Variants in WDR1 observed in about 807,000 individuals in gnomAD.
The protein encoded by WDR1 is WD repeat-containing protein 1.
Under a neutral mutation model 71.9 loss-of-function variants are expected in WDR1, and 21 were observed. That is an observed-to-expected ratio of 0.29 (90% CI 0.21 to 0.42). The LOEUF (loss-of-function observed/expected upper bound fraction) is 0.42. Among genes scored for constraint, WDR1 ranks in the 10% least tolerant of loss-of-function variants. WDR1 has a pLI of 1.00. For synonymous variants in WDR1, 424 were observed against 347.4 expected, an observed-to-expected ratio of 1.22 and a Z score of -2.45; for missense variants, 696 against 824.5, an observed-to-expected ratio of 0.84 and a Z score of 1.91.
chr4:10,080,064 G>T (rs1317333461), intron 11 of WDR1, among the ~76,000 whole-genome samples: 1 of 152,188 alleles, frequency 6.6e-6, no homozygotes, highest in Non-Finnish European at 1.5e-5. Context: ...GGTAACAGCA[G>T]ATCACAGAGA....
chr4:10,116,063 T>A (rs751808051), intron 2 of WDR1, 50 bp downstream of exon 2: 3 of 1,594,666 alleles, frequency 1.9e-6, no homozygotes, highest in Admixed American at 3.4e-5. Context: ...AATTATCCCA[T>A]CCCAAGGTGG....
At chr4:10,103,789 A>ACCCCCCCCCCCCC in intron 3 of WDR1, 107 bp downstream of exon 3, 1 of 73,070 alleles carries the variant, frequency 1.4e-5, no homozygotes. Flanking sequence ...CCCACCCCCC[A>ACCCCCCCCCCCCC]CCTCCCTCCT....
rs141453649 is a variant in WDR1, at chr4:10,098,745, G to A, written c.377+247C>T. ...GGCATGAGAGCTGGGGTTCTAGCAG[G>A]CAAGGCACTCAGGACGTCAGAGGAG... is the stretch of plus-strand genomic sequence containing the variant. On this transcript the variant is annotated intron_variant, in intron 4 of 14. Coordinates refer to ENST00000499869, the MANE Select transcript of WDR1 (RefSeq NM_017491.5). Among the ~76,000 whole-genome samples, 879 of 152,350 alleles carry A rather than the reference G, an allele frequency of 5.8e-3. 6 individuals carry two copies. Among genetic ancestry groups the A allele is most frequent in the South Asian group, 0.011 (54 of 4,832 alleles).
chr4:10,108,447 G>A lies in WDR1; in HGVS notation c.139-4461C>T, dbSNP rs145930106. ...GATGACGACACAACACTGATGAAGGGGCCTGCTGTGCCCTCCTTTAGCTGC... is the reference window on the plus strand; with the variant it reads ...GATGACGACACAACACTGATGAAGGAGCCTGCTGTGCCCTCCTTTAGCTGC... On this transcript the variant is annotated intron_variant, in intron 2 of 14. Transcript: ENST00000499869. The A allele has an allele frequency of 2.6e-5, 4 of 152,346 alleles. No individual in the cohort carries two copies. The East Asian group carries it at 7.7e-4, about 29-fold the overall frequency. The allele number at this position is 152,346 out of a possible 1,614,324, so 9.4% of individuals were successfully genotyped here.
intron 5 of WDR1, among the ~76,000 whole-genome samples, chr4:10,089,903 A>G (rs115179746): frequency 2.6e-5 from 4 of 152,334 alleles, no homozygotes; most frequent in South Asian, 2.1e-4. Context: ...CTGGGACCCA[A>G]TGAGACCTTA....
chr4:10,102,726 A>T (rs1459831547), intron 3 of WDR1, among the ~76,000 whole-genome samples: 1 of 152,198 alleles, frequency 6.6e-6, no homozygotes, highest in Non-Finnish European at 1.5e-5. Flanking sequence ...ACCCTTCAGG[A>T]CAGGCTGCTG....
chr4:10,088,004 A>G, intron 7 of WDR1, 64 bp from the exon 8 acceptor site: 3 of 1,446,376 alleles, frequency 2.1e-6, no homozygotes, highest in Non-Finnish European at 2.8e-6. Context: ...GACCCCAAAA[A>G]GCAGCTTGTC....
chr4:10,097,123 G>A (rs1228944123), intron 5 of WDR1, among the ~76,000 whole-genome samples: 2 of 152,280 alleles, frequency 1.3e-5, no homozygotes, highest in East Asian at 3.8e-4. Flanking sequence ...AGGGAGAAGT[G>A]AGGAGGCTTG....
chr4:10,084,394 C>T lies in WDR1; in HGVS notation c.1039+49G>A, dbSNP rs765436556. ...CTGGCATCATGGGAACAGGAAATTC[C>T]CCCCTAGAGCCAGCGGCTCCGGAGC... On this transcript the variant is annotated intron_variant, in intron 9 of 14. Coordinates refer to ENST00000499869, the MANE Select transcript of WDR1 (RefSeq NM_017491.5). 19 of 1,562,166 alleles carry T rather than the reference C, an allele frequency of 1.2e-5. No individual in the cohort carries two copies. In the African/African-American group the frequency reaches 2.3e-4, roughly 19 times the overall value.
intron 3 of WDR1, among the ~76,000 whole-genome samples, chr4:10,103,273 CACACACACACACACAG>C (rs1262920911): frequency 1.1e-5 from 1 of 95,212 alleles, no homozygotes; most frequent in Non-Finnish European, 2.0e-5. Context: ...CACATACACA[CACACACACACACACAG>C]ACACACACAC....
At chr4:10,116,585 AGGGGCCG>A in intron 1 of WDR1, 59 bp downstream of exon 1, 1 of 1,116,936 alleles carries the variant, frequency 9.0e-7, no homozygotes, top group Non-Finnish European at 1.1e-6. Flanking sequence ...CACGGCGCCT[AGGGGCCG>A]GGGACCGGGG....
At chr4:10,107,617 G>A (rs571505175) in intron 2 of WDR1, among the ~76,000 whole-genome samples, 1 of 152,234 alleles carries the variant, frequency 6.6e-6, no homozygotes, top group African/African-American at 2.4e-5. Flanking sequence ...TACCTTGCTG[G>A]CCCCAGACCC....
intron 6 of WDR1, 118 bp from the exon 7 acceptor site, chr4:10,088,491 G>A (rs1289623876): frequency 7.5e-6 from 9 of 1,207,206 alleles, no homozygotes; most frequent in Non-Finnish European, 1.1e-5. Flanking sequence ...TCCCAGTGTG[G>A]TTTAAAAGCA....
intron 12 of WDR1, 66 bp downstream of exon 12, chr4:10,078,825 T>TCA (rs2109635843): frequency 7.1e-7 from 1 of 1,403,074 alleles, no homozygotes; most frequent in South Asian, 1.3e-5. Context: ...CTCACACAGC[T>TCA]CACACTGTCC....
chr4:10,089,216 C>G (rs1711803736), intron 5 of WDR1, among the ~76,000 whole-genome samples: 1 of 152,256 alleles, frequency 6.6e-6, no homozygotes, highest in African/African-American at 2.4e-5. Context: ...TCACGCCATT[C>G]TCCTGCCTCA....
At chr4:10,096,877 G>A (rs538766043) in intron 5 of WDR1, among the ~76,000 whole-genome samples, 40 of 152,170 alleles carry the variant, frequency 2.6e-4, no homozygotes, top group Non-Finnish European at 5.1e-4. Context: ...GTGCATTTCC[G>A]GGTCCATTGT....
At chr4:10,098,216 G>A (rs541528086) in intron 4 of WDR1, among the ~76,000 whole-genome samples, 1 of 152,312 alleles carries the variant, frequency 6.6e-6, no homozygotes, top group South Asian at 2.1e-4. Context: ...TATTGGGAGG[G>A]AACAGTTACC....
At chr4:10,108,740 G>T (rs938215447) in intron 2 of WDR1, among the ~76,000 whole-genome samples, 2 of 152,202 alleles carry the variant, frequency 1.3e-5, no homozygotes, top group African/African-American at 4.8e-5. Context: ...AAACTTCTGC[G>T]ACAACACAAC....
chr4:10,116,774 G>A lies in WDR1; in HGVS notation c.-108C>T, dbSNP rs1003049956. 2.5e-6 allele frequency: 3 copies of A among 1,216,526 alleles called. No individual in the cohort carries two copies. The highest frequency in any genetic ancestry group is 5.6e-5 in the South Asian group (2 of 35,534). 75.4% of individuals were successfully genotyped at this position (1,216,526 alleles called of 1,614,324 possible). On this transcript the variant is annotated 5_prime_UTR_variant, in exon 1 of 15. Transcript: ENST00000499869. ...AGCCCGGGGACTGGAGCCGGAAGGC[G>A]GCACCGGGCGTGCCGGGAGTGGAGT...
Sources: gnomAD v4.1 joint callset for allele counts (sites outside exome capture counted in the v4.1 genomes callset) on GRCh38, gnomAD v4.1.1 for gene constraint, MANE v1.5 for transcripts, NCBI Gene and HGNC (gene_info 2026-07-23, HGNC 2026-07-21) for gene names.